The following TMEM9B variants were observed in gnomAD, a reference collection of about 807,000 sequenced individuals.
The protein encoded by TMEM9B is transmembrane protein 9B.
A neutral mutation model predicts 23.5 loss-of-function variants in TMEM9B; 8 were observed. The observed-to-expected ratio is 0.34, with a 90% confidence interval of 0.20 to 0.61. The LOEUF is 0.61. Among genes scored for constraint, TMEM9B ranks in the 20% least tolerant of loss-of-function variants. The pLI, the probability that TMEM9B is intolerant of heterozygous loss-of-function variation, is 0.78. For synonymous variants in TMEM9B, 106 were observed against 96.3 expected, an observed-to-expected ratio of 1.10 and a Z score of -0.59; for missense variants, 197 against 252.3, an observed-to-expected ratio of 0.78 and a Z score of 1.49.
intron 1 of TMEM9B, 24 bp downstream of exon 1, chr11:8,964,185 G>T (rs1179076110): frequency 1.3e-6 from 2 of 1,555,118 alleles, no homozygotes; most frequent in East Asian, 4.8e-5. Context: ...GCTTCCGTCA[G>T]GAGCGAGGCT....
chr11:8,957,122 AG>A lies in TMEM9B; in HGVS notation c.198-825del, dbSNP rs1853989771. Among the ~76,000 whole-genome samples the A allele has an allele frequency of 6.6e-6, 1 of 152,258 alleles. No individual in the cohort carries two copies. The highest frequency in any genetic ancestry group is 2.4e-5 in the African/African-American group (1 of 41,476). On this transcript the variant is annotated intron_variant, in intron 2 of 4. Coordinates refer to ENST00000534025, the MANE Select transcript of TMEM9B (RefSeq NM_020644.3). The surrounding 1 kb of genome is among the most constrained non-coding windows in gnomAD (Gnocchi z 4.3). ...AAATTGAACCCTCAAAGCCACACAC[AG>A]GAAGAAACAATCACTTTTCTTAATG...
chr11:8,952,066 G>C (rs1293940448), intron 4 of TMEM9B, among the ~76,000 whole-genome samples: 2 of 152,010 alleles, frequency 1.3e-5, no homozygotes, highest in Non-Finnish European at 2.9e-5. Context: ...CCAAAGTCAC[G>C]CCACTGCACT....
In TMEM9B at chr11:8,950,712, C is replaced by T. The variant is rs77819243; in HGVS notation, c.442-2237G>A. Among the ~76,000 whole-genome samples, 161 of 152,218 alleles carry T rather than the reference C, an allele frequency of 1.1e-3. 2 individuals are homozygous for T. In the East Asian group the frequency reaches 0.028, roughly 26 times the overall value. Reference sequence around the variant, plus strand: ...ATACAAAACATGTTTTACTGTAATGCTTTGGTAATAACGATGATGTGTCAT... The same window carrying T: ...ATACAAAACATGTTTTACTGTAATGTTTTGGTAATAACGATGATGTGTCAT... On this transcript the variant is annotated intron_variant, in intron 4 of 4. Transcript: ENST00000534025.
chr11:8,964,334 C>A lies in TMEM9B; in HGVS notation c.-21G>T. ...GCCATCGCTGGGGGCCCAGCGGTCCCACAGCCCGGAGCCCCCGCGACCGGC... is the reference window on the plus strand; with the variant it reads ...GCCATCGCTGGGGGCCCAGCGGTCCAACAGCCCGGAGCCCCCGCGACCGGC... On this transcript the variant is annotated 5_prime_UTR_variant, in exon 1 of 5. Transcript: ENST00000534025. 1 of 1,551,536 alleles carries A rather than the reference C, an allele frequency of 6.4e-7. No individual in the cohort carries two copies.
chr11:8,956,433 ATAAAG>A, intron 2 of TMEM9B, 135 bp from the exon 3 acceptor site: 1 of 625,370 alleles, frequency 1.6e-6, no homozygotes, highest in Non-Finnish European at 2.7e-6. Flanking sequence ...AATCAATAAG[ATAAAG>A]TAAAATAATT....
intron 2 of TMEM9B, among the ~76,000 whole-genome samples, chr11:8,960,502 C>T (rs1438740135): frequency 6.6e-6 from 1 of 152,000 alleles, no homozygotes; most frequent in Non-Finnish European, 1.5e-5. Context: ...GACATATGGT[C>T]CTGTCTGAGT....
intron 2 of TMEM9B, among the ~76,000 whole-genome samples, chr11:8,961,484 G>T (rs1854080638): frequency 6.6e-6 from 1 of 152,222 alleles, no homozygotes; most frequent in Non-Finnish European, 1.5e-5. Flanking sequence ...GGTCTGCTGG[G>T]ATAAGCAGAG....
In TMEM9B at chr11:8,957,602, C is replaced by A. The variant is rs762723722; in HGVS notation, c.198-1304G>T. 1.1e-4 allele frequency among the ~76,000 whole-genome samples: 16 copies of A among 152,180 alleles called. No homozygotes were observed. The highest frequency in any genetic ancestry group is 1.9e-4 in the Non-Finnish European group (13 of 68,034). On this transcript the variant is annotated intron_variant, in intron 2 of 4. Coordinates refer to ENST00000534025, the MANE Select transcript of TMEM9B (RefSeq NM_020644.3). This position sits in a 1 kb window ranked among gnomAD's most constrained non-coding sequence, Gnocchi z 4.3. ...TAGAGTGATTCCTTCTCTTTCCCCA[C>A]CAAAATGTACTTTTTGGAAACAAAG...
At chr11:8,959,405 T>A (rs1177922562) in intron 2 of TMEM9B, among the ~76,000 whole-genome samples, 1 of 152,166 alleles carries the variant, frequency 6.6e-6, no homozygotes, top group Non-Finnish European at 1.5e-5. Flanking sequence ...GCCACTGCAC[T>A]CTAGCAATAA....
chr11:8,954,017 C>A (rs369223360), intron 3 of TMEM9B, among the ~76,000 whole-genome samples: 1 of 152,152 alleles, frequency 6.6e-6, no homozygotes, highest in Non-Finnish European at 1.5e-5. Context: ...ATAATCCAAA[C>A]GTCCATCAAC....
intron 2 of TMEM9B, among the ~76,000 whole-genome samples, chr11:8,960,128 CTTTG>C (rs1473488012): frequency 1.5e-5 from 2 of 134,594 alleles, no homozygotes; most frequent in Non-Finnish European, 1.6e-5. Flanking sequence ...TGTTTATTTT[CTTTG>C]TTTCTGTTTT....
chr11:8,964,118 T>C, intron 1 of TMEM9B, 91 bp downstream of exon 1: 1 of 1,289,212 alleles, frequency 7.8e-7, no homozygotes, highest in African/African-American at 1.5e-5. Flanking sequence ...CTGTCAGGAA[T>C]GGGCCAAGGA....
At position 8,957,174 on chromosome 11, in the gene TMEM9B, A is replaced by G. The variant is rs1388667567; in HGVS notation, c.198-876T>C. On this transcript the variant is annotated intron_variant, in intron 2 of 4. Coordinates refer to ENST00000534025, the MANE Select transcript of TMEM9B (RefSeq NM_020644.3). The surrounding 1 kb of genome is among the most constrained non-coding windows in gnomAD (Gnocchi z 4.3). ...AGCAAATCTGAAAAAGCAAGGAGAA[A>G]TAGAATAACTAAAATATTTTAAAAC... Among the ~76,000 whole-genome samples, 1 of 152,224 alleles carries G rather than the reference A, an allele frequency of 6.6e-6. No individual in the cohort carries two copies. The highest frequency in any genetic ancestry group is 1.9e-4 in the East Asian group (1 of 5,204).
At chr11:8,964,470 G>C, upstream of TMEM9B, 1 of 1,422,220 alleles carries the variant, frequency 7.0e-7, no homozygotes, top group Non-Finnish European at 9.1e-7. Context: ...CGGGCGCGCC[G>C]GGTCAGATGC....
chr11:8,958,730 C>A (rs1278592734), intron 2 of TMEM9B, among the ~76,000 whole-genome samples: 1 of 151,654 alleles, frequency 6.6e-6, no homozygotes. Context: ...CGCTACCATG[C>A]CCGACTAATT....
rs1171399575 is a variant in TMEM9B, at chr11:8,947,619, A to G, written c.*701T>C. On this transcript the variant is annotated 3_prime_UTR_variant, in exon 5 of 5. Transcript: ENST00000534025. ...CAAGACTATGTTTAGTCTTTAGAGT[A>G]AACTAGCAAATGGCCAGTTTGTTCT... is the stretch of plus-strand genomic sequence containing the variant. 6.5e-6 allele frequency: 1 copy of G among 152,690 alleles called. No individual in the cohort carries two copies. The highest frequency in any genetic ancestry group is 6.5e-5 in the Admixed American group (1 of 15,288). 9.5% of individuals were successfully genotyped at this position (152,690 alleles called of 1,614,324 possible). A position where few individuals can be genotyped will look rare whatever the true frequency, so the allele number is the denominator to read the frequency against.
intron 2 of TMEM9B, among the ~76,000 whole-genome samples, chr11:8,960,228 T>C (rs1459400813): frequency 7.0e-6 from 1 of 142,208 alleles, no homozygotes; most frequent in African/African-American, 2.6e-5. Context: ...CTGCAACCTC[T>C]ACCTCTGCGG....
At chr11:8,964,575 G>T (rs1463944202), upstream of TMEM9B, 2 of 972,006 alleles carry the variant, frequency 2.1e-6, no homozygotes, top group Non-Finnish European at 2.8e-6. Context: ...GCCCCGGGAC[G>T]GAAGGGGGCC....
At chr11:8,962,018 G>T in intron 2 of TMEM9B, 74 bp downstream of exon 2, 1 of 949,734 alleles carries the variant, frequency 1.1e-6, no homozygotes, top group Non-Finnish European at 1.6e-6. Context: ...CTATGCATTT[G>T]ATGAACATTC....
Sources: gnomAD v4.1 joint callset for allele counts (sites outside exome capture counted in the v4.1 genomes callset) on GRCh38, gnomAD v4.1.1 for gene constraint, Gnocchi (gnomAD v3.1) non-coding constraint, MANE v1.5 for transcripts, NCBI Gene and HGNC (gene_info 2026-07-23, HGNC 2026-07-21) for gene names.